Variants in RELN observed in about 807,000 individuals in gnomAD.
RELN encodes the protein reelin.
Under a neutral mutation model 427.6 loss-of-function variants are expected in RELN, and 108 were observed. That is an observed-to-expected ratio of 0.25 (90% CI 0.22 to 0.30). RELN has a LOEUF of 0.30. Ranked by LOEUF, RELN falls within the 10% of genes least tolerant of loss-of-function variation. RELN has a pLI of 1.00. For synonymous variants in RELN, 1,524 were observed against 1,513.4 expected, an observed-to-expected ratio of 1.01 and a Z score of -0.16; for missense variants, 3,715 against 4,302.8, an observed-to-expected ratio of 0.86 and a Z score of 3.82.
At chr7:103,952,554 T>TCTCTC (rs1796354878) in intron 1 of RELN, among the ~76,000 whole-genome samples, 2 of 149,860 alleles carry the variant, frequency 1.3e-5, no homozygotes, top group East Asian at 3.9e-4. Flanking sequence ...CTCTCACTCT[T>TCTCTC]TCTCTCTCTC....
chr7:103,652,323 T>C (rs1048850554), intron 14 of RELN, among the ~76,000 whole-genome samples: 74 of 151,608 alleles, frequency 4.9e-4, no homozygotes, highest in Non-Finnish European at 3.5e-4. Context: ...ACACCTCTGA[T>C]ACCTAAGATC....
intron 1 of RELN, among the ~76,000 whole-genome samples, chr7:103,969,838 G>A (rs1796727719): frequency 6.6e-6 from 1 of 152,168 alleles, no homozygotes; most frequent in Admixed American, 6.5e-5. Flanking sequence ...TATGTGACAT[G>A]CAATTCTTCA....
rs562872296 is a variant in RELN, at chr7:103,772,819, T to G, written c.544+3738A>C. Among the ~76,000 whole-genome samples, 14 of 152,240 alleles carry G rather than the reference T, an allele frequency of 9.2e-5. No individual in the cohort carries two copies. The South Asian group carries it at 2.9e-3, about 32-fold the overall frequency. ...TAGGAGAGGCAAACTGAAGCCAGAT[T>G]GTAAGGGATTTTCCTTGCATGTTGA... On this transcript the variant is annotated intron_variant, in intron 4 of 64. Coordinates refer to ENST00000428762, the MANE Select transcript of RELN (RefSeq NM_005045.4).
intron 46 of RELN, among the ~76,000 whole-genome samples, chr7:103,529,944 A>T (rs552470112): frequency 6.6e-6 from 1 of 152,148 alleles, no homozygotes; most frequent in South Asian, 2.1e-4. Context: ...ATACCATGTT[A>T]TTCTGAATCT....
chr7:103,860,707 G>A (rs535777224), intron 2 of RELN, among the ~76,000 whole-genome samples: 72 of 152,022 alleles, frequency 4.7e-4, no homozygotes, highest in African/African-American at 1.6e-3. Context: ...CACCGCACCC[G>A]GCCCCAATTA....
intron 3 of RELN, among the ~76,000 whole-genome samples, chr7:103,798,412 C>A (rs780940267): frequency 6.6e-6 from 1 of 152,100 alleles, no homozygotes; most frequent in South Asian, 2.1e-4. Flanking sequence ...TACCTGTTAT[C>A]GTTGGGAAGA....
At chr7:103,714,632 AG>A (rs1402356175) in intron 8 of RELN, among the ~76,000 whole-genome samples, 2 of 152,202 alleles carry the variant, frequency 1.3e-5, no homozygotes, top group Non-Finnish European at 2.9e-5. Context: ...CTGCACATAG[AG>A]GCAGCTCATG....
At chr7:103,892,312 T>C (rs1206543933) in intron 2 of RELN, among the ~76,000 whole-genome samples, 1 of 152,178 alleles carries the variant, frequency 6.6e-6, no homozygotes, top group Admixed American at 6.5e-5. Context: ...GATGGGCTGA[T>C]ACACAAGTGA....
chr7:103,731,804 C>T (rs1382766539), intron 6 of RELN, among the ~76,000 whole-genome samples: 1 of 152,014 alleles, frequency 6.6e-6, no homozygotes, highest in Non-Finnish European at 1.5e-5. Context: ...TTTTCATTTT[C>T]CACTTCTAAT....
At chr7:103,871,647 C>T (rs1794337007) in intron 2 of RELN, among the ~76,000 whole-genome samples, 1 of 152,098 alleles carries the variant, frequency 6.6e-6, no homozygotes, top group South Asian at 2.1e-4. Context: ...CCATTAAATG[C>T]TGACAACAGC....
chr7:103,503,913 A>C (rs867816909), intron 51 of RELN, among the ~76,000 whole-genome samples: 3 of 149,808 alleles, frequency 2.0e-5, no homozygotes, highest in Non-Finnish European at 3.0e-5. Context: ...AAAAAAAAAA[A>C]AAAAACTAGA....
intron 2 of RELN, among the ~76,000 whole-genome samples, chr7:103,840,948 G>A (rs1194477479): frequency 6.6e-6 from 1 of 152,120 alleles, no homozygotes. Flanking sequence ...GTATATGTGT[G>A]TATGGTGTAC....
chr7:103,743,139 A>G (rs1198283953), intron 6 of RELN, among the ~76,000 whole-genome samples: 2 of 151,800 alleles, frequency 1.3e-5, no homozygotes, highest in Non-Finnish European at 2.9e-5. Flanking sequence ...TTTTCAACCC[A>G]GAATTTCATA....
intron 4 of RELN, among the ~76,000 whole-genome samples, chr7:103,756,885 G>T (rs761103385): frequency 6.6e-6 from 1 of 152,078 alleles, no homozygotes; most frequent in Non-Finnish European, 1.5e-5. Flanking sequence ...AAAGATTCAC[G>T]CATATGTGGC....
intron 62 of RELN, among the ~76,000 whole-genome samples, 171 bp downstream of exon 62, chr7:103,483,482 G>A (rs1052712802): frequency 6.6e-6 from 1 of 152,080 alleles, no homozygotes; most frequent in Admixed American, 6.5e-5. Context: ...TGTCCTAATC[G>A]AAAACAGTAA....
chr7:103,738,506 T>C (rs987017485), intron 6 of RELN, among the ~76,000 whole-genome samples: 6 of 151,926 alleles, frequency 3.9e-5, no homozygotes, highest in Non-Finnish European at 7.4e-5. Context: ...TCTCATGATA[T>C]ACAACATAAT....
At chr7:103,730,818 T>G (rs1402361486) in intron 6 of RELN, among the ~76,000 whole-genome samples, 1 of 152,140 alleles carries the variant, frequency 6.6e-6, no homozygotes, top group African/African-American at 2.4e-5. Context: ...TAATTTATTT[T>G]AATTTACCCT....
At chr7:103,570,406 G>C (rs948622023) in intron 31 of RELN, among the ~76,000 whole-genome samples, 6 of 152,168 alleles carry the variant, frequency 3.9e-5, no homozygotes, top group Admixed American at 2.6e-4. Context: ...TCCTTGGTGA[G>C]TCCCCATCCA....
In RELN at chr7:103,871,709, T is replaced by C. The variant is rs536856956; in HGVS notation, c.338-38037A>G. Among the ~76,000 whole-genome samples, 52 of 152,178 alleles carry C rather than the reference T, an allele frequency of 3.4e-4. 1 individual carries two copies. The highest frequency in any genetic ancestry group is 1.2e-3 in the African/African-American group (50 of 41,540). On this transcript the variant is annotated intron_variant, in intron 2 of 64. Transcript: ENST00000428762. The stretch of plus-strand genomic sequence containing the variant: ...AAATATTTTTATTTTAGGCCTCAGG[T>C]ATAAAGTATGAAGAGAATACGATGA...
Sources: allele counts gnomAD v4.1 joint callset (sites outside exome capture counted in the v4.1 genomes callset), GRCh38; gene constraint gnomAD v4.1.1; transcripts MANE v1.5; gene names NCBI Gene and HGNC (gene_info 2026-07-23, HGNC 2026-07-21).